NDST1: variants seen among roughly 807,000 people sequenced by gnomAD.
The protein encoded by NDST1 is N-deacetylase and N-sulfotransferase 1.
In NDST1, 35 loss-of-function variants were observed where a neutral mutation model predicts 92.8. The ratio of observed to expected loss-of-function variants is 0.38; its 90% CI spans 0.29 to 0.50. The LOEUF is 0.50. Ranked by LOEUF, NDST1 falls within the 20% of genes least tolerant of loss-of-function variation. NDST1 has a pLI of 0.94. For missense variants in NDST1, 822 were observed against 1,182.7 expected (o/e 0.69, Z 4.47); for synonymous variants, 493 against 500.3 (o/e 0.99, Z 0.19).
chr5:150,501,731 G>A (rs1041225324), intron 1 of NDST1, among the ~76,000 whole-genome samples: 8 of 152,230 alleles, frequency 5.3e-5, no homozygotes, highest in Non-Finnish European at 1.2e-4. Context: ...TGTTTTGGAC[G>A]TGGGGCTGAC....
chr5:150,540,578 G>T (rs780819472), intron 8 of NDST1, among the ~76,000 whole-genome samples: 1 of 152,164 alleles, frequency 6.6e-6, no homozygotes, highest in Non-Finnish European at 1.5e-5. Context: ...TACTTTAGGA[G>T]GCCAAGGTGG....
intron 2 of NDST1, 114 bp from the exon 3 acceptor site, chr5:150,527,690 A>G (rs1480391883): frequency 6.7e-7 from 1 of 1,499,700 alleles, no homozygotes; most frequent in Non-Finnish European, 9.1e-7. Context: ...TGAGCCCTCC[A>G]TGAATGTTGG....
chr5:150,539,661 T>C (rs780248446), intron 7 of NDST1: 50 of 985,088 alleles, frequency 5.1e-5, no homozygotes, highest in Non-Finnish European at 5.8e-5. Flanking sequence ...TACACACACA[T>C]ATATGAACAA....
At chr5:150,551,943 T>A in intron 14 of NDST1, 88 bp downstream of exon 14, 1 of 1,559,434 alleles carries the variant, frequency 6.4e-7, no homozygotes, top group Non-Finnish European at 8.7e-7. Context: ...TCCTTTACCA[T>A]GCACTCAGCA....
In NDST1 at chr5:150,555,466, C is replaced by G. The variant is rs1365354160; in HGVS notation, c.*2134C>G. The G allele has an allele frequency of 6.5e-6, 1 of 152,764 alleles. No individual in the cohort carries two copies. The allele number at this position is 152,764 out of a possible 1,614,324, so 9.5% of individuals were successfully genotyped here. On this transcript the variant is annotated 3_prime_UTR_variant, in exon 15 of 15. Coordinates refer to ENST00000261797, the MANE Select transcript of NDST1 (RefSeq NM_001543.5). ...ACTGTGTACACAGCAGTGTCCCCAT[C>G]ATGCCTCTCAATGGGGCCTGCAAGC...
Position 150,521,885 on chromosome 5 carries a change from G to C in NDST1, c.513+118G>C, listed in dbSNP as rs1370958280. 2.3e-6 allele frequency: 3 copies of C among 1,319,674 alleles called. No individual in the cohort carries two copies. Among genetic ancestry groups the C allele is most frequent in the Non-Finnish European group, 3.2e-6 (3 of 936,502 alleles). 81.7% of individuals were successfully genotyped at this position (1,319,674 alleles called of 1,614,324 possible). A position where few individuals can be genotyped will look rare whatever the true frequency, so the allele number is the denominator to read the frequency against. On this transcript the variant is annotated intron_variant, in intron 2 of 14. Coordinates refer to ENST00000261797, the MANE Select transcript of NDST1 (RefSeq NM_001543.5). This position sits in a 1 kb window ranked among gnomAD's most constrained non-coding sequence, Gnocchi z 5.9. The stretch of plus-strand genomic sequence containing the variant: ...CCCGCCTCCTGGGGTTGTTGGGAGG[G>C]TTAAATGAGTGAGTATATGTAAAGC...
intron 5 of NDST1, 136 bp from the exon 6 acceptor site, chr5:150,535,564 A>T: frequency 8.0e-7 from 1 of 1,242,720 alleles, no homozygotes. Flanking sequence ...TCAGCTTCCC[A>T]TCTTACCATG....
chr5:150,510,685 A>G (rs1253087579), intron 1 of NDST1, among the ~76,000 whole-genome samples: 1 of 152,220 alleles, frequency 6.6e-6, no homozygotes, highest in Non-Finnish European at 1.5e-5. Flanking sequence ...AGTGAGGTCT[A>G]AGTTCCTGAG....
intron 4 of NDST1, 151 bp downstream of exon 4, chr5:150,533,183 C>T: frequency 1.3e-6 from 1 of 790,516 alleles, no homozygotes; most frequent in Admixed American, 2.0e-5. Context: ...AGCCAACAGC[C>T]TACAAGAGCA....
rs754000766 is a variant in NDST1, at chr5:150,521,397, C to G, written c.143C>G (p.Ser48Trp). The G allele has an allele frequency of 2.5e-6, 4 of 1,613,140 alleles. No individual in the cohort carries two copies. The highest frequency in any genetic ancestry group is 3.4e-6 in the Non-Finnish European group (4 of 1,179,920). ...GGCTGGAAGCGAGGCCTGGAGCCCT[C>G]GGCGGATGCCCCCGAGCCTGACTGC... ...LYGWKRGLEP[S>W]ADAPEPDCGD... Residue 48 changes from serine (S) to tryptophan (W), a missense_variant, in exon 2 of 15, where the codon TCG becomes TGG. Ser to Trp is a radical substitution (Grantham distance 177, BLOSUM62 -3). Coordinates refer to ENST00000261797, the MANE Select transcript of NDST1 (RefSeq NM_001543.5). The surrounding 1 kb of genome is among the most constrained non-coding windows in gnomAD (Gnocchi z 5.9).
intron 3 of NDST1, among the ~76,000 whole-genome samples, chr5:150,529,303 G>A (rs1177177641): frequency 6.8e-6 from 1 of 147,546 alleles, no homozygotes; most frequent in Non-Finnish European, 1.5e-5. Context: ...GAGGCAGGAG[G>A]ATTGCTTGAG....
At chr5:150,504,510 A>G (rs1377077492), upstream of NDST1, among the ~76,000 whole-genome samples, 1 of 152,248 alleles carries the variant, frequency 6.6e-6, no homozygotes, top group South Asian at 2.1e-4. Flanking sequence ...TAATCTTGCC[A>G]TAATCTGCCA....
At chr5:150,538,081 A>C (rs1009677508) in intron 6 of NDST1, among the ~76,000 whole-genome samples, 2 of 152,226 alleles carry the variant, frequency 1.3e-5, no homozygotes, top group Non-Finnish European at 2.9e-5. Flanking sequence ...CCTTCCTGGA[A>C]TAAGCCACGC....
chr5:150,540,671 C>G (rs1041645843), intron 8 of NDST1, among the ~76,000 whole-genome samples: 14 of 152,046 alleles, frequency 9.2e-5, no homozygotes, highest in African/African-American at 3.1e-4. Context: ...CAAAAATTAG[C>G]CGGGCATGAT....
chr5:150,530,092 T>A (rs1264275602), intron 3 of NDST1, among the ~76,000 whole-genome samples: 2 of 152,150 alleles, frequency 1.3e-5, no homozygotes, highest in Non-Finnish European at 2.9e-5. Flanking sequence ...ATGGGAAGTT[T>A]TCAGGCTATT....
Position 150,528,160 on chromosome 5 carries a change from C to T in NDST1, c.870C>T (p.His290=), listed in dbSNP as rs371614841. 82 of 1,614,240 alleles carry T rather than the reference C, an allele frequency of 5.1e-5. No individual in the cohort carries two copies. Among genetic ancestry groups the T allele is most frequent in the African/African-American group, 3.3e-4 (25 of 75,074 alleles). Residue 290 remains histidine (H), a synonymous_variant, in exon 3 of 15, where the codon CAC becomes CAT. Transcript: ENST00000261797. ...GCAACAACCTGAACTTCTGGCTGCA[C>T]AAGCTTGTCTTCGTGGATGCCGTGG... ...LFGNNLNFWL[H]KLVFVDAVAF...
chr5:150,554,205 C>A lies in NDST1; in HGVS notation c.*873C>A. 1 of 398,630 alleles carries A rather than the reference C, an allele frequency of 2.5e-6. No homozygotes were observed. Among genetic ancestry groups the A allele is most frequent in the South Asian group, 1.3e-4 (1 of 7,840 alleles). The allele number at this position is 398,630 out of a possible 1,614,324, so 24.7% of individuals were successfully genotyped here. A position where few individuals can be genotyped will look rare whatever the true frequency, so the allele number is the denominator to read the frequency against. The stretch of plus-strand genomic sequence containing the variant: ...ACTGCCAGCCACGGCTTTGCTTAGC[C>A]ACCTGTGGCCGAGGGCTCTCAGAGA... On this transcript the variant is annotated 3_prime_UTR_variant, in exon 15 of 15. Transcript: ENST00000261797.
At position 150,521,467 on chromosome 5, in the gene NDST1, G is replaced by A. The variant is rs545691216; in HGVS notation, c.213G>A (p.Lys71=). 1.5e-4 allele frequency: 244 copies of A among 1,613,874 alleles called. 2 individuals carry two copies. The South Asian group carries it at 2.4e-3, about 16-fold the overall frequency. ...PVAPSRLLPL[K]PVQAATPSRT... is the part of the protein sequence containing the mutation. ...CCCCCAGTCGCCTGCTGCCACTCAA[G>A]CCTGTGCAGGCAGCCACCCCTTCCC... is the stretch of plus-strand genomic sequence containing the variant. The change falls in exon 2 of 15, where the codon AAG becomes AAA. Residue 71 remains lysine, a synonymous_variant. Coordinates refer to ENST00000261797, the MANE Select transcript of NDST1 (RefSeq NM_001543.5). This position sits in a 1 kb window ranked among gnomAD's most constrained non-coding sequence, Gnocchi z 5.9.
At chr5:150,512,916 C>CTG (rs1474182032) in intron 1 of NDST1, among the ~76,000 whole-genome samples, 2 of 152,256 alleles carry the variant, frequency 1.3e-5, no homozygotes, top group African/African-American at 4.8e-5. Context: ...CAAGCCCCAG[C>CTG]TGGGAGCCAC....
Sources: allele counts gnomAD v4.1 joint callset (sites outside exome capture counted in the v4.1 genomes callset), GRCh38; gene constraint gnomAD v4.1.1; non-coding constraint Gnocchi (gnomAD v3.1); transcripts MANE v1.5; gene names NCBI Gene and HGNC (gene_info 2026-07-23, HGNC 2026-07-21).